ROBO2: variants seen among roughly 807,000 people sequenced by gnomAD.
ROBO2 encodes the protein roundabout homolog 2.
In ROBO2, 53 loss-of-function variants were observed where a neutral mutation model predicts 160.8. The observed-to-expected ratio is 0.33, with a 90% CI of 0.26 to 0.41. The LOEUF (loss-of-function observed/expected upper bound fraction) is 0.41, where lower values mean the gene tolerates loss of function less well. Ranked by LOEUF, ROBO2 falls within the 10% of genes least tolerant of loss-of-function variation. The probability of loss-of-function intolerance (pLI) is 1.00; values close to 1 mark genes in which losing one functional copy is unlikely to be tolerated. For missense variants in ROBO2, 1,577 were observed against 1,722.4 expected (o/e 0.92, Z 1.49); for synonymous variants, 664 against 611.7 (o/e 1.09, Z -1.26).
chr3:77,580,504 T>G (rs1174242937), intron 16 of ROBO2, among the ~76,000 whole-genome samples: 6 of 152,096 alleles, frequency 3.9e-5, no homozygotes, highest in African/African-American at 1.4e-4. Context: ...TGTCAAAAAT[T>G]AACAAGAAAC....
intron 2 of ROBO2, among the ~76,000 whole-genome samples, chr3:77,367,434 C>T (rs967923785): frequency 1.3e-5 from 2 of 151,940 alleles, no homozygotes; most frequent in Admixed American, 1.3e-4. Context: ...TTCTAGTACA[C>T]ACGCTGAGAA....
chr3:76,695,913 T>C (rs919211150), intron 2 of ROBO2, among the ~76,000 whole-genome samples: 3 of 152,184 alleles, frequency 2.0e-5, no homozygotes, highest in African/African-American at 7.2e-5. Context: ...CACATTTGAT[T>C]TGATGATTTT....
At chr3:77,235,632 G>C (rs1182446938) in intron 2 of ROBO2, among the ~76,000 whole-genome samples, 1 of 152,052 alleles carries the variant, frequency 6.6e-6, no homozygotes, top group Non-Finnish European at 1.5e-5. Flanking sequence ...AGATATTTCA[G>C]AATACTTATT....
At chr3:77,494,129 T>C (rs1028886182) in intron 5 of ROBO2, among the ~76,000 whole-genome samples, 14 of 152,200 alleles carry the variant, frequency 9.2e-5, no homozygotes, top group African/African-American at 3.4e-4. Flanking sequence ...GTGTTTTTTG[T>C]TGTTGTTGTT....
intron 2 of ROBO2, among the ~76,000 whole-genome samples, chr3:76,209,914 T>C (rs1482075005): frequency 1.3e-5 from 2 of 152,124 alleles, no homozygotes; most frequent in Non-Finnish European, 2.9e-5. Flanking sequence ...TGATCAAATT[T>C]GACTTTTTAT....
intron 2 of ROBO2, among the ~76,000 whole-genome samples, chr3:76,862,419 C>A (rs2070883636): frequency 6.6e-6 from 1 of 151,952 alleles, no homozygotes; most frequent in Non-Finnish European, 1.5e-5. Context: ...ACGTTTTATG[C>A]CACACAGGAA....
chr3:76,663,057 T>G (rs2091891883), intron 2 of ROBO2, among the ~76,000 whole-genome samples: 1 of 152,098 alleles, frequency 6.6e-6, no homozygotes, highest in Non-Finnish European at 1.5e-5. Context: ...GTAGTTTAGG[T>G]ATAAAATAAT....
chr3:76,388,269 A>AT (rs1367383315), intron 2 of ROBO2, among the ~76,000 whole-genome samples: 8 of 148,538 alleles, frequency 5.4e-5, no homozygotes, highest in African/African-American at 1.5e-4. Context: ...TAAATTTACC[A>AT]TTTTTTTCTT....
chr3:76,051,827 C>T (rs1459740323), intron 2 of ROBO2, among the ~76,000 whole-genome samples: 3 of 149,324 alleles, frequency 2.0e-5, no homozygotes, highest in Non-Finnish European at 3.0e-5. Flanking sequence ...AAATTATATA[C>T]CTCTGAAGCC....
chr3:76,028,822 A>C (rs1034678202), intron 2 of ROBO2, among the ~76,000 whole-genome samples: 3 of 151,986 alleles, frequency 2.0e-5, no homozygotes, highest in Non-Finnish European at 2.9e-5. Flanking sequence ...CATGATTATT[A>C]AAAATTTTTA....
chr3:76,328,223 A>T (rs1238289884), intron 2 of ROBO2, among the ~76,000 whole-genome samples: 1 of 152,206 alleles, frequency 6.6e-6, no homozygotes, highest in Non-Finnish European at 1.5e-5. Context: ...ATGATGAGAG[A>T]TTATCTACAT....
chr3:76,223,097 A>C (rs1306206800), intron 2 of ROBO2, among the ~76,000 whole-genome samples: 1 of 151,412 alleles, frequency 6.6e-6, no homozygotes, highest in Non-Finnish European at 1.5e-5. Flanking sequence ...CATGCTCCCC[A>C]GACTTCTGCT....
At chr3:77,357,188 T>C (rs1446768748) in intron 2 of ROBO2, among the ~76,000 whole-genome samples, 1 of 152,152 alleles carries the variant, frequency 6.6e-6, no homozygotes, top group Non-Finnish European at 1.5e-5. Context: ...CCAAAGTTCA[T>C]GTGATGGAAA....
intron 2 of ROBO2, among the ~76,000 whole-genome samples, chr3:76,607,203 G>C (rs1042409085): frequency 1.4e-4 from 22 of 152,088 alleles, no homozygotes; most frequent in African/African-American, 4.6e-4. Context: ...TGAACTCCTG[G>C]ACAGGAGCAA....
intron 2 of ROBO2, among the ~76,000 whole-genome samples, chr3:76,568,453 C>T (rs995200461): frequency 1.3e-4 from 15 of 114,184 alleles, no homozygotes; most frequent in Admixed American, 1.1e-3. Context: ...GCTGCCACCA[C>T]GCCCAGATAA....
chr3:77,426,277 A>G (rs921157200), intron 2 of ROBO2, among the ~76,000 whole-genome samples: 2 of 152,114 alleles, frequency 1.3e-5, no homozygotes, highest in South Asian at 4.1e-4. Flanking sequence ...ATCAAGGAGA[A>G]TCGATGGGTT....
intron 2 of ROBO2, among the ~76,000 whole-genome samples, chr3:76,207,548 A>T (rs1055999551): frequency 5.3e-5 from 8 of 152,212 alleles, no homozygotes; most frequent in African/African-American, 1.7e-4. Flanking sequence ...TCTGAATATT[A>T]TTCCTTTTTG....
chr3:77,169,866 G>C (rs2079459086), intron 2 of ROBO2, among the ~76,000 whole-genome samples: 1 of 152,170 alleles, frequency 6.6e-6, no homozygotes, highest in Non-Finnish European at 1.5e-5. Context: ...GGCAGGAGTT[G>C]AGCATGAGCC....
At chr3:77,449,986 A>G (rs1459104179) in intron 2 of ROBO2, among the ~76,000 whole-genome samples, 3 of 152,088 alleles carry the variant, frequency 2.0e-5, no homozygotes, top group Non-Finnish European at 4.4e-5. Context: ...ATAATTTTCC[A>G]TTTCAGCTCT....
Sources: gnomAD v4.1 joint callset for allele counts (sites outside exome capture counted in the v4.1 genomes callset) on GRCh38, gnomAD v4.1.1 for gene constraint, MANE v1.5 for transcripts, NCBI Gene and HGNC (gene_info 2026-07-23, HGNC 2026-07-21) for gene names.